Variants in SDSL observed in about 807,000 individuals in gnomAD.
The protein encoded by SDSL is serine dehydratase-like.
A neutral mutation model predicts 27.6 loss-of-function variants in SDSL; 26 were observed. That is an observed-to-expected ratio of 0.94 (90% CI 0.69 to 1.31). The LOEUF is 1.31. Among genes scored for constraint, SDSL ranks in the 50% most tolerant of loss-of-function variants. The probability of loss-of-function intolerance (pLI) is 0.00; values close to 1 mark genes in which losing one functional copy is unlikely to be tolerated. For synonymous variants in SDSL, 196 were observed against 180.6 expected (o/e 1.09, Z -0.69); for missense variants, 431 against 423.5 (o/e 1.02, Z -0.16).
chr12:113,435,512 G>A lies in SDSL; in HGVS notation c.627G>A (p.Ala209=), dbSNP rs746091136. ...METHGAHCFN[A]AITAGKLVTL... ...CCCATGGGGCACACTGCTTCAATGC[G>A]GCCATCACAGCCGGCAAGCTGGTCA... Residue 209 remains alanine (A), a synonymous_variant, in exon 6 of 8, where the codon GCG becomes GCA. Transcript: ENST00000403593. The A allele has an allele frequency of 1.7e-5, 28 of 1,613,906 alleles. No homozygotes were observed. The highest frequency in any genetic ancestry group is 1.6e-4 in the African/African-American group (12 of 74,928).
intron 1 of SDSL, among the ~76,000 whole-genome samples, chr12:113,427,604 C>T (rs1000537715): frequency 3.9e-5 from 6 of 152,272 alleles, no homozygotes; most frequent in East Asian, 1.9e-4. Flanking sequence ...TTTTATGACT[C>T]GTGGGTCCCC....
At chr12:113,432,268 C>T (rs542133558) in intron 4 of SDSL, among the ~76,000 whole-genome samples, 20 of 140,412 alleles carry the variant, frequency 1.4e-4, no homozygotes, top group African/African-American at 4.9e-4. Flanking sequence ...TTCTTTCTTT[C>T]TTTCTTTCTT....
chr12:113,430,354 G>C (rs529699216), intron 4 of SDSL, among the ~76,000 whole-genome samples: 13 of 152,340 alleles, frequency 8.5e-5, no homozygotes, highest in Non-Finnish European at 1.6e-4. Context: ...CAGAGAGAAG[G>C]TGTGTTGTTT....
chr12:113,430,854 G>C lies in SDSL; in HGVS notation c.354+1555G>C, dbSNP rs541890579. Among the ~76,000 whole-genome samples the C allele has an allele frequency of 4.5e-4, 68 of 152,338 alleles. 3 individuals are homozygous for C. In the South Asian group the frequency reaches 0.013, roughly 30 times the overall value. ...AGGCTGAGTTGGGAGGATCACTTGAGCCCAGGAGTTTGAGGCCAGCCTGGG... is the reference window on the plus strand; with the variant it reads ...AGGCTGAGTTGGGAGGATCACTTGACCCCAGGAGTTTGAGGCCAGCCTGGG... On this transcript the variant is annotated intron_variant, in intron 4 of 7. Coordinates refer to ENST00000403593, the MANE Select transcript of SDSL (RefSeq NM_001304993.2).
chr12:113,435,911 G>A (rs142577815), intron 6 of SDSL, among the ~76,000 whole-genome samples: 382 of 152,314 alleles, frequency 2.5e-3, no homozygotes, highest in African/African-American at 8.6e-3. Context: ...GAGGTCAGGA[G>A]TTTGAGACCG....
chr12:113,427,817 T>TA (rs1197043056), intron 1 of SDSL, 145 bp from the exon 2 acceptor site: 1 of 691,748 alleles, frequency 1.4e-6, no homozygotes. Context: ...GAGTCACAGA[T>TA]ACTTGATGGG....
chr12:113,436,972 C>T, intron 7 of SDSL, 97 bp downstream of exon 7: 2 of 1,256,054 alleles, frequency 1.6e-6, no homozygotes, highest in Non-Finnish European at 2.1e-6. Context: ...TCCTCAGCAC[C>T]AGGCACTGGC....
intron 1 of SDSL, among the ~76,000 whole-genome samples, chr12:113,424,946 C>T (rs558413388): frequency 9.2e-5 from 14 of 151,858 alleles, no homozygotes; most frequent in East Asian, 3.9e-4. Flanking sequence ...ATGTTGGCCA[C>T]GCTGGTCTTG....
chr12:113,427,852 G>A (rs569225286), intron 1 of SDSL, 110 bp from the exon 2 acceptor site: 4 of 886,302 alleles, frequency 4.5e-6, no homozygotes, highest in East Asian at 5.3e-5. Context: ...GCAGCTGGAT[G>A]AAGTGAAGGG....
chr12:113,435,626 C>T (rs1957982010), intron 6 of SDSL, 70 bp downstream of exon 6: 4 of 1,339,682 alleles, frequency 3.0e-6, no homozygotes, highest in Non-Finnish European at 3.1e-6. Context: ...GCCTTCCAGT[C>T]CCAGCCGGTG....
rs75346718 is a variant in SDSL, at chr12:113,433,961, G to A, written c.355-173G>A. 1.5e-3 allele frequency among the ~76,000 whole-genome samples: 224 copies of A among 152,292 alleles called. 1 individual carries two copies. In the East Asian group the frequency reaches 0.018, roughly 12 times the overall value. On this transcript the variant is annotated intron_variant, in intron 4 of 7. Coordinates refer to ENST00000403593, the MANE Select transcript of SDSL (RefSeq NM_001304993.2). ...ATGGCATCTGTTTGTCCGCCTGGAA[G>A]TGCTTGTCCAATTCTCAGGAGGCCT...
Position 113,428,072 on chromosome 12 carries a change from G to A in SDSL, c.90G>A (p.Ala30=), listed in dbSNP as rs375985606. 87 of 1,613,834 alleles carry A rather than the reference G, an allele frequency of 5.4e-5. No homozygotes were observed. The highest frequency in any genetic ancestry group is 5.4e-5 in the Non-Finnish European group (64 of 1,179,978). Residue 30 remains alanine, a synonymous_variant, in exon 2 of 8, where the codon GCG becomes GCA. Transcript: ENST00000403593. ...LLESWALSQV[A]GMPVFLKCEN... ...AGAGCTGGGCGCTGTCCCAGGTGGC[G>A]GGCATGCCTGTCTTCCTCAAGTGTG...
intron 4 of SDSL, among the ~76,000 whole-genome samples, chr12:113,431,911 A>ATTTTTTTTTTTTTTTT (rs34838365): frequency 7.6e-6 from 1 of 131,700 alleles, no homozygotes. Context: ...ACGCCTGGCT[A>ATTTTTTTTTTTTTTTT]TTTTTTTTTT....
At chr12:113,437,766 C>G (rs1958016233) in intron 7 of SDSL, 120 bp from the exon 8 acceptor site, 1 of 873,122 alleles carries the variant, frequency 1.1e-6, no homozygotes, top group African/African-American at 1.7e-5. Context: ...GCCAGCAGAG[C>G]AGATGAATGG....
At chr12:113,425,153 C>T (rs1957832821) in intron 1 of SDSL, among the ~76,000 whole-genome samples, 2 of 152,168 alleles carry the variant, frequency 1.3e-5, no homozygotes, top group Non-Finnish European at 2.9e-5. Flanking sequence ...GTCACACAGC[C>T]AGGAAGTCGG....
chr12:113,434,182 G>T lies in SDSL; in HGVS notation c.403G>T (p.Gly135Cys). 6.2e-7 allele frequency: 1 copy of T among 1,613,708 alleles called. No individual in the cohort carries two copies. The highest frequency in any genetic ancestry group is 2.2e-5 in the East Asian group (1 of 44,876). The change falls in exon 5 of 8, where the codon GGC (glycine) becomes TGC (cysteine). Residue 135 changes from glycine to cysteine, a missense_variant. Coordinates refer to ENST00000403593, the MANE Select transcript of SDSL (RefSeq NM_001304993.2). ...LRAQELAKRD[G>C]WENVPPFDHP... ...GGCGCAAGAGTTGGCCAAGAGGGAC[G>T]GCTGGGAGAATGTCCCCCCGTTTGA... is the stretch of plus-strand genomic sequence containing the variant.
Position 113,427,866 on chromosome 12 carries a change from C to G in SDSL, c.-21-96C>G, listed in dbSNP as rs1212521453. The G allele has an allele frequency of 3.4e-6, 4 of 1,171,574 alleles. No homozygotes were observed. In the African/African-American group the frequency reaches 4.6e-5, roughly 13 times the overall value. The allele number at this position is 1,171,574 out of a possible 1,614,324, so 72.6% of individuals were successfully genotyped here. On this transcript the variant is annotated intron_variant, in intron 1 of 7. Transcript: ENST00000403593. ...AGCAGCTGGATGAAGTGAAGGGCAC[C>G]TAAGCCAAGGGCTTTCTCCACCTTC...
intron 7 of SDSL, among the ~76,000 whole-genome samples, chr12:113,437,458 A>G (rs1280522329): frequency 6.6e-6 from 1 of 152,198 alleles, no homozygotes; most frequent in Admixed American, 6.5e-5. Flanking sequence ...GGATGGATGG[A>G]TAATGAAGTG....
chr12:113,438,129 T>G lies in SDSL; in HGVS notation c.*50T>G. 6.8e-7 allele frequency: 1 copy of G among 1,469,230 alleles called. No individual in the cohort carries two copies. The highest frequency in any genetic ancestry group is 9.3e-7 in the Non-Finnish European group (1 of 1,075,362). The allele number at this position is 1,469,230 out of a possible 1,614,324, so 91.0% of individuals were successfully genotyped here. A position where few individuals can be genotyped will look rare whatever the true frequency, so the allele number is the denominator to read the frequency against. On this transcript the variant is annotated 3_prime_UTR_variant, in exon 8 of 8. Coordinates refer to ENST00000403593, the MANE Select transcript of SDSL (RefSeq NM_001304993.2). ...CCCCTGAGAGGCCCATGGACAGTCC[T>G]GTGTCTGGATGAGGAGGACTCAGTG...
Sources: allele counts gnomAD v4.1 joint callset (sites outside exome capture counted in the v4.1 genomes callset), GRCh38; gene constraint gnomAD v4.1.1; transcripts MANE v1.5; gene names NCBI Gene and HGNC (gene_info 2026-07-23, HGNC 2026-07-21).